The following FCAR variants were observed in gnomAD, a reference collection of about 807,000 sequenced individuals.
FCAR encodes the protein Fc alpha receptor.
Under a neutral mutation model 27.1 loss-of-function variants are expected in FCAR, and 21 were observed. The observed-to-expected ratio is 0.77, with a 90% CI of 0.55 to 1.11. The LOEUF is 1.11. Ranked by LOEUF, FCAR falls within the 50% of genes most tolerant of loss-of-function variation. The pLI, the probability that FCAR is intolerant of heterozygous loss-of-function variation, is 0.00. For synonymous variants in FCAR, 134 were observed against 135.8 expected, an observed-to-expected ratio of 0.99 and a Z score of 0.09; for missense variants, 404 against 358.4, an observed-to-expected ratio of 1.13 and a Z score of -1.03.
chr19:54,876,313 C>T (rs2066086237), intron 2 of FCAR, among the ~76,000 whole-genome samples: 1 of 152,140 alleles, frequency 6.6e-6, no homozygotes, highest in African/African-American at 2.4e-5. Context: ...TATTTGGATG[C>T]CTTTTATTTC....
intron 2 of FCAR, among the ~76,000 whole-genome samples, chr19:54,881,933 T>TAAATA (rs2066446956): frequency 8.2e-4 from 8 of 9,794 alleles, no homozygotes; most frequent in African/African-American, 5.4e-3. Context: ...ATAAATAAAT[T>TAAATA]GAAGCATGAA....
At chr19:54,877,710 G>C (rs977042044) in intron 2 of FCAR, among the ~76,000 whole-genome samples, 2 of 151,954 alleles carry the variant, frequency 1.3e-5, no homozygotes, top group Non-Finnish European at 2.9e-5. Flanking sequence ...ACTTTTTCTA[G>C]CTTTTTGAAG....
chr19:54,883,881 C>T (rs1403123830), intron 2 of FCAR, among the ~76,000 whole-genome samples: 2 of 152,100 alleles, frequency 1.3e-5, no homozygotes, highest in South Asian at 2.1e-4. Context: ...GGTGTGAACC[C>T]GGGAGGCGGA....
intron 1 of FCAR, among the ~76,000 whole-genome samples, chr19:54,874,693 A>G (rs1569529934): frequency 6.8e-6 from 1 of 147,690 alleles, no homozygotes; most frequent in Non-Finnish European, 1.5e-5. Flanking sequence ...ATATAGAAAT[A>G]TGGTTACTAG....
rs186770757 is a variant in FCAR at position 54,887,928 on chromosome 19, A to G, written c.362-79A>G. Reference sequence around the variant, plus strand: ...GCGAAACTCCATCTCAAAAAAATATATAATAATAACAATAATAAGAAGAAG... The same window carrying G: ...GCGAAACTCCATCTCAAAAAAATATGTAATAATAACAATAATAAGAAGAAG... On this transcript the variant is annotated intron_variant, in intron 3 of 4. Transcript: ENST00000355524. 1.6e-4 allele frequency: 194 copies of G among 1,177,816 alleles called. 1 individual carries two copies. In the African/African-American group the frequency reaches 2.6e-3, roughly 16 times the overall value. 73.0% of individuals were successfully genotyped at this position (1,177,816 alleles called of 1,614,324 possible).
chr19:54,879,181 G>C (rs587613391), intron 2 of FCAR, among the ~76,000 whole-genome samples: 33 of 152,108 alleles, frequency 2.2e-4, no homozygotes, highest in Admixed American at 1.8e-3. Flanking sequence ...CTGGCCTCTT[G>C]CTTCTTTATC....
Position 54,889,371 on chromosome 19 carries a change from C to CA in FCAR, c.650-257dup, listed in dbSNP as rs764886901. On this transcript the variant is annotated intron_variant, in intron 4 of 4. Coordinates refer to ENST00000355524, the MANE Select transcript of FCAR (RefSeq NM_002000.4). ...TGGGCAACAGAGTGAGACTCCATCT[C>CA]AAAAAAAAAAAAAAAAAAAAACACA... Among the ~76,000 whole-genome samples, 259 of 77,408 alleles carry CA rather than the reference C, an allele frequency of 3.3e-3. 1 individual carries two copies. Among genetic ancestry groups the CA allele is most frequent in the East Asian group, 6.6e-3 (18 of 2,730 alleles). 50.8% of individuals were successfully genotyped at this position (77,408 alleles called of 152,430 possible). A position where few individuals can be genotyped will look rare whatever the true frequency, so the allele number is the denominator to read the frequency against.
At chr19:54,875,712 C>T (rs763477424) in intron 2 of FCAR, among the ~76,000 whole-genome samples, 36 of 152,192 alleles carry the variant, frequency 2.4e-4, no homozygotes, top group South Asian at 6.2e-4. Context: ...CCCACTTCCT[C>T]CCGTCACTTC....
chr19:54,886,909 A>G (rs2066763501), intron 3 of FCAR, among the ~76,000 whole-genome samples: 1 of 152,360 alleles, frequency 6.6e-6, no homozygotes, highest in Non-Finnish European at 1.5e-5. Context: ...TCCTCATAGC[A>G]AAGGTTTAAA....
rs1360168608 is a variant in FCAR, at chr19:54,890,407, TTTTA to T, written c.*552_*555del. On this transcript the variant is annotated 3_prime_UTR_variant, in exon 5 of 5. Transcript: ENST00000355524. Reference sequence around the variant, plus strand: ...TTCTTCCTTCATTGTTCTTCTCTTTTTTTATTTATTTTATTTATTTTTATTTTTA... The same window carrying T: ...TTCTTCCTTCATTGTTCTTCTCTTTTTTTATTTTATTTATTTTTATTTTTA... 2 of 151,368 alleles carry T rather than the reference TTTTA, an allele frequency of 1.3e-5. No individual in the cohort carries two copies. Among genetic ancestry groups the T allele is most frequent in the Admixed American group, 6.6e-5 (1 of 15,222 alleles). The allele number at this position is 151,368 out of a possible 1,614,324, so 9.4% of individuals were successfully genotyped here.
chr19:54,881,981 G>A (rs946263238), intron 2 of FCAR, among the ~76,000 whole-genome samples: 1 of 152,178 alleles, frequency 6.6e-6, no homozygotes, highest in African/African-American at 2.4e-5. Flanking sequence ...CCCAGATCAC[G>A]GGCAGCAGAG....
rs1355436028 is a variant in FCAR at position 54,888,164 on chromosome 19, A to T, written c.519A>T (p.Glu173Asp). 3.1e-6 allele frequency: 5 copies of T among 1,614,032 alleles called. No individual in the cohort carries two copies. Among genetic ancestry groups the T allele is most frequent in the African/African-American group, 2.7e-5 (2 of 74,926 alleles). ...CTCTGCCACAGCACCAAAGTGGGGA[A>T]CACCCGGCCAACTTCTCTTTGGGTC... ...ELSLPQHQSG[E>D]HPANFSLGPV... The change falls in exon 4 of 5, where the codon GAA becomes GAT. Residue 173 changes from glutamate (E) to aspartate (D), a missense_variant. Physicochemically the swap from Glu to Asp is conservative, Grantham distance 45 (BLOSUM62 2). Coordinates refer to ENST00000355524, the MANE Select transcript of FCAR (RefSeq NM_002000.4).
intron 2 of FCAR, among the ~76,000 whole-genome samples, chr19:54,878,870 C>G (rs587633340): frequency 1.9e-5 from 2 of 107,032 alleles, no homozygotes; most frequent in African/African-American, 7.3e-5. Context: ...AATGTTGAGT[C>G]TTGCTTTTTT....
In FCAR at chr19:54,887,025, ACTTT is replaced by A. The variant is rs2066771187; in HGVS notation, c.362-981_362-978del. ...CGTGGCTCGTGCCTGTAATCCCAGC[ACTTT>A]GGGAGGCTGGGCGCCGTGGCTCACG... On this transcript the variant is annotated intron_variant, in intron 3 of 4. Coordinates refer to ENST00000355524, the MANE Select transcript of FCAR (RefSeq NM_002000.4). 1.8e-4 allele frequency among the ~76,000 whole-genome samples: 13 copies of A among 72,208 alleles called. No homozygotes were observed. The East Asian group carries it at 3.2e-3, about 18-fold the overall frequency. 47.4% of individuals were successfully genotyped at this position (72,208 alleles called of 152,430 possible).
chr19:54,879,835 C>G (rs1307743382), intron 2 of FCAR, among the ~76,000 whole-genome samples: 1 of 152,138 alleles, frequency 6.6e-6, no homozygotes, highest in Non-Finnish European at 1.5e-5. Flanking sequence ...AGGTGCCCAC[C>G]ACCACGCCCA....
rs774493601 is a variant in FCAR at position 54,874,267 on chromosome 19, G to A, written c.-23G>A. 2.3e-5 allele frequency: 37 copies of A among 1,613,792 alleles called. No individual in the cohort carries two copies. The Admixed American group carries it at 4.0e-4, about 17-fold the overall frequency. On this transcript the variant is annotated 5_prime_UTR_variant, in exon 1 of 5. Coordinates refer to ENST00000355524, the MANE Select transcript of FCAR (RefSeq NM_002000.4). ...TAATGTGCATTGAAAGGAGAGCAACGGGGCTGAGGCCGTGTCAGCACGATG... is the reference window on the plus strand; with the variant it reads ...TAATGTGCATTGAAAGGAGAGCAACAGGGCTGAGGCCGTGTCAGCACGATG...
At chr19:54,889,325 T>TGG (rs2066933252) in intron 4 of FCAR, among the ~76,000 whole-genome samples, 1 of 129,962 alleles carries the variant, frequency 7.7e-6, no homozygotes, top group Non-Finnish European at 1.5e-5. Context: ...TGAGCCGAGA[T>TGG]CACGCCACTG....
intron 3 of FCAR, 47 bp from the exon 4 acceptor site, chr19:54,887,960 A>G (rs746226238): frequency 1.2e-5 from 17 of 1,452,266 alleles, no homozygotes; most frequent in Non-Finnish European, 1.3e-5. Flanking sequence ...GAAGAAAAGA[A>G]TAAAGGAGAA....
At chr19:54,881,907 A>G (rs1396522367) in intron 2 of FCAR, among the ~76,000 whole-genome samples, 1 of 38,256 alleles carries the variant, frequency 2.6e-5, no homozygotes, top group Non-Finnish European at 5.6e-5. Context: ...AAATAAATAA[A>G]TAAATAAATA....
Sources: gnomAD v4.1 joint callset for allele counts (sites outside exome capture counted in the v4.1 genomes callset) on GRCh38, gnomAD v4.1.1 for gene constraint, MANE v1.5 for transcripts, NCBI Gene and HGNC (gene_info 2026-07-23, HGNC 2026-07-21) for gene names.